The following MAPK10 variants were observed in gnomAD, a reference collection of about 807,000 sequenced individuals.
MAPK10 encodes the protein JNK3 alpha protein kinase.
In MAPK10, 25 loss-of-function variants were observed where a neutral mutation model predicts 59.3. That is an observed-to-expected ratio of 0.42 (90% CI 0.31 to 0.59). The LOEUF (loss-of-function observed/expected upper bound fraction) is 0.59, where lower values mean the gene tolerates loss of function less well. Among genes scored for constraint, MAPK10 ranks in the 20% least tolerant of loss-of-function variants. The pLI is 0.15. For missense variants in MAPK10, 351 were observed against 568.9 expected (o/e 0.62, Z 3.90); for synonymous variants, 190 against 200.5 (o/e 0.95, Z 0.44).
At chr4:86,088,704 C>T (rs2052468788) in intron 9 of MAPK10, among the ~76,000 whole-genome samples, 1 of 152,024 alleles carries the variant, frequency 6.6e-6, no homozygotes, top group Admixed American at 6.6e-5. Context: ...AAAACTTGAT[C>T]AATTGTAAAA....
At chr4:86,304,768 T>C (rs2095537824) in intron 2 of MAPK10, among the ~76,000 whole-genome samples, 1 of 152,198 alleles carries the variant, frequency 6.6e-6, no homozygotes, top group African/African-American at 2.4e-5. Context: ...TTAATATTTT[T>C]TTCACTTATT....
intron 13 of MAPK10, 55 bp downstream of exon 13, chr4:86,029,142 A>C (rs775432201): frequency 1.2e-5 from 15 of 1,206,888 alleles, no homozygotes; most frequent in Middle Eastern, 1.9e-4. Context: ...CCCTACACAA[A>C]GGCCAAGAAA....
At chr4:86,410,161 T>C (rs1266285273) in intron 1 of MAPK10, among the ~76,000 whole-genome samples, 1 of 152,230 alleles carries the variant, frequency 6.6e-6, no homozygotes, top group African/African-American at 2.4e-5. Flanking sequence ...GAGATAATCA[T>C]GTGGTTTTTG....
intron 1 of MAPK10, among the ~76,000 whole-genome samples, chr4:86,430,028 G>A (rs556037955): frequency 2.6e-4 from 39 of 152,120 alleles, no homozygotes; most frequent in Middle Eastern, 6.8e-3. Flanking sequence ...ATAAGAAATG[G>A]CAAGTCTCTT....
At chr4:86,089,126 T>C in intron 9 of MAPK10, 1 of 1,046,620 alleles carries the variant, frequency 9.6e-7, no homozygotes, top group Non-Finnish European at 1.4e-6. Flanking sequence ...ACAAATACCA[T>C]AAGCAGTACT....
At chr4:86,364,148 A>G (rs1178110051), upstream of MAPK10, among the ~76,000 whole-genome samples, 1 of 151,276 alleles carries the variant, frequency 6.6e-6, no homozygotes, top group Non-Finnish European at 1.5e-5. Flanking sequence ...TGTTTTTGAG[A>G]CAGGGTCTCA....
chr4:86,589,076 A>G (rs1407329489), intron 1 of MAPK10, among the ~76,000 whole-genome samples: 1 of 152,162 alleles, frequency 6.6e-6, no homozygotes, highest in Non-Finnish European at 1.5e-5. Flanking sequence ...TAAATTCCAT[A>G]TGGATGAAAG....
intron 1 of MAPK10, chr4:86,542,604 C>G (rs749179200): frequency 1.3e-5 from 2 of 154,194 alleles, no homozygotes; most frequent in Non-Finnish European, 2.9e-5. Flanking sequence ...ACGTGAGACT[C>G]TCTCTAAAAA....
At chr4:86,534,294 T>A (rs1758061569) in intron 1 of MAPK10, among the ~76,000 whole-genome samples, 1 of 152,116 alleles carries the variant, frequency 6.6e-6, no homozygotes, top group South Asian at 2.1e-4. Context: ...ACCACAGAAT[T>A]TCTTTAAGAA....
At chr4:86,102,623 C>T (rs1177499151) in intron 6 of MAPK10, among the ~76,000 whole-genome samples, 1 of 152,138 alleles carries the variant, frequency 6.6e-6, no homozygotes, top group Non-Finnish European at 1.5e-5. Context: ...CGGGTTCAAG[C>T]AATTCTCCTG....
chr4:86,152,637 CAG>C (rs1307504446), intron 4 of MAPK10: 1 of 152,146 alleles, frequency 6.6e-6, no homozygotes, highest in Non-Finnish European at 1.5e-5. Flanking sequence ...ACTCTAGAAA[CAG>C]AAAGTAATGC....
At chr4:86,226,900 A>G (rs2090713492) in intron 2 of MAPK10, among the ~76,000 whole-genome samples, 1 of 152,216 alleles carries the variant, frequency 6.6e-6, no homozygotes, top group Admixed American at 6.5e-5. Flanking sequence ...TAGGTCCTCT[A>G]TGTGAGACAT....
intron 1 of MAPK10, among the ~76,000 whole-genome samples, chr4:86,553,493 C>T (rs1760017284): frequency 6.6e-6 from 1 of 152,186 alleles, no homozygotes; most frequent in African/African-American, 2.4e-5. Flanking sequence ...CATGAAGCCA[C>T]TCTCTCCTTA....
At chr4:86,089,112 G>A (rs2052554647) in intron 9 of MAPK10, 1 of 931,108 alleles carries the variant, frequency 1.1e-6, no homozygotes, top group Admixed American at 2.5e-5. Flanking sequence ...TCTAAGGACA[G>A]TGAACAAATA....
At chr4:86,278,719 T>A (rs1254402730) in intron 2 of MAPK10, among the ~76,000 whole-genome samples, 3 of 152,170 alleles carry the variant, frequency 2.0e-5, no homozygotes, top group Admixed American at 2.0e-4. Flanking sequence ...GACATATCAA[T>A]GTTATGTACT....
At chr4:86,018,513 T>C (rs571962891) in intron 13 of MAPK10, among the ~76,000 whole-genome samples, 1 of 152,290 alleles carries the variant, frequency 6.6e-6, no homozygotes, top group South Asian at 2.1e-4. Context: ...AGTATAAGGT[T>C]GAAACCCTGA....
At chr4:86,406,591 C>A (rs548342727) in intron 1 of MAPK10, among the ~76,000 whole-genome samples, 6 of 152,176 alleles carry the variant, frequency 3.9e-5, no homozygotes, top group Non-Finnish European at 8.8e-5. Flanking sequence ...GCACTGAACA[C>A]AGAACACAGC....
At chr4:86,369,549 T>A (rs1019583960) in intron 1 of MAPK10, among the ~76,000 whole-genome samples, 6 of 152,180 alleles carry the variant, frequency 3.9e-5, no homozygotes, top group Non-Finnish European at 7.4e-5. Context: ...CTTATCAGCA[T>A]AAATTTATAT....
intron 4 of MAPK10, among the ~76,000 whole-genome samples, chr4:86,121,942 A>G (rs1467601381): frequency 6.6e-6 from 1 of 152,080 alleles, no homozygotes; most frequent in African/African-American, 2.4e-5. Context: ...TTTATATCTC[A>G]ACATAAGCTC....
Sources: gnomAD v4.1 joint callset for allele counts (sites outside exome capture counted in the v4.1 genomes callset) on GRCh38, gnomAD v4.1.1 for gene constraint, MANE v1.5 for transcripts, NCBI Gene and HGNC (gene_info 2026-07-23, HGNC 2026-07-21) for gene names.